ERP44: variants seen among roughly 807,000 people sequenced by gnomAD.
ERP44 encodes the protein endoplasmic reticulum protein 44.
Under a neutral mutation model 53.4 loss-of-function variants are expected in ERP44, and 25 were observed. The ratio of observed to expected loss-of-function variants is 0.47; its 90% CI spans 0.34 to 0.65. ERP44 has a LOEUF of 0.65. Ranked by LOEUF, ERP44 falls within the 30% of genes least tolerant of loss-of-function variation. ERP44 has a pLI of 0.01. For synonymous variants in ERP44, 145 were observed against 161.2 expected (o/e 0.90, Z 0.76); for missense variants, 338 against 493.2 (o/e 0.69, Z 2.98).
intron 10 of ERP44, among the ~76,000 whole-genome samples, chr9:99,996,540 T>TC (rs1830311505): frequency 6.6e-6 from 1 of 151,716 alleles, no homozygotes; most frequent in African/African-American, 2.4e-5. Flanking sequence ...ATTCTTTTTT[T>TC]TCCCCCATTG....
chr9:100,029,767 C>G (rs1825759922), intron 4 of ERP44, among the ~76,000 whole-genome samples: 1 of 152,110 alleles, frequency 6.6e-6, no homozygotes, highest in African/African-American at 2.4e-5. Context: ...TGAAATCAAC[C>G]TAAGTGGCCA....
At chr9:100,061,533 T>C (rs867305118) in intron 1 of ERP44, among the ~76,000 whole-genome samples, 1 of 142,918 alleles carries the variant, frequency 7.0e-6, no homozygotes, top group South Asian at 2.1e-4. Context: ...GAAACGTATA[T>C]ATTTATAGAA....
At chr9:100,001,109 G>T (rs1292504257) in intron 10 of ERP44, among the ~76,000 whole-genome samples, 1 of 151,790 alleles carries the variant, frequency 6.6e-6, no homozygotes, top group African/African-American at 2.4e-5. Flanking sequence ...TGCTCCACTG[G>T]TTGTTCAGTA....
rs189241300 is a variant in ERP44 at position 99,980,243 on chromosome 9, G to A, written c.*2369C>T. ...TTTACATATCCATATGCCTGACTAG[G>A]CTGTGAACAACTCTAGGGCAGAAAT... On this transcript the variant is annotated 3_prime_UTR_variant, in exon 12 of 12. Coordinates refer to ENST00000262455, the MANE Select transcript of ERP44 (RefSeq NM_015051.3). The A allele has an allele frequency of 1.1e-4, 45 of 394,262 alleles. No individual in the cohort carries two copies. Among genetic ancestry groups the A allele is most frequent in the African/African-American group, 8.2e-4 (40 of 48,610 alleles). 24.4% of individuals were successfully genotyped at this position (394,262 alleles called of 1,614,324 possible).
intron 1 of ERP44, among the ~76,000 whole-genome samples, chr9:100,096,053 T>C (rs1826624106): frequency 6.6e-6 from 1 of 152,070 alleles, no homozygotes; most frequent in African/African-American, 2.4e-5. Context: ...TTACGACTAG[T>C]AACAATTATG....
intron 4 of ERP44, among the ~76,000 whole-genome samples, chr9:100,030,621 A>T (rs6478996): frequency 0.67 from 101,686 of 152,042 alleles, 35,060 homozygotes; most frequent in East Asian, 0.91. Flanking sequence ...CATTATGGGG[A>T]GTTAACCACT....
intron 4 of ERP44, among the ~76,000 whole-genome samples, chr9:100,030,316 C>T (rs548763509): frequency 6.6e-6 from 1 of 151,984 alleles, no homozygotes; most frequent in Non-Finnish European, 1.5e-5. Context: ...CATGGAGGGA[C>T]GATATTGAGG....
At chr9:100,089,450 G>A (rs926083975) in intron 1 of ERP44, among the ~76,000 whole-genome samples, 3 of 151,868 alleles carry the variant, frequency 2.0e-5, no homozygotes, top group Non-Finnish European at 4.4e-5. Flanking sequence ...GTGTAGTGGC[G>A]AGTGCCTGTA....
In ERP44 at chr9:100,093,642, GT is replaced by G. The variant is rs202221118; in HGVS notation, c.57+5141del. ...TGGGCTACACAGCAAGACCCTGTCT[GT>G]GGGGGGGGAAAAAAAAAGAACTGTG... On this transcript the variant is annotated intron_variant, in intron 1 of 11. Coordinates refer to ENST00000262455, the MANE Select transcript of ERP44 (RefSeq NM_015051.3). Among the ~76,000 whole-genome samples the G allele has an allele frequency of 5.2e-3, 738 of 141,724 alleles. 5 individuals are homozygous for G. The highest frequency in any genetic ancestry group is 0.018 in the South Asian group (78 of 4,360). The allele number at this position is 141,724 out of a possible 152,430, so 93.0% of individuals were successfully genotyped here.
intron 1 of ERP44, among the ~76,000 whole-genome samples, chr9:100,061,420 G>A (rs889581070): frequency 2.0e-5 from 3 of 149,890 alleles, no homozygotes; most frequent in Non-Finnish European, 3.0e-5. Flanking sequence ...CTCCAGCCTG[G>A]GCAACAGAGC....
At chr9:100,065,497 T>A (rs1441206127) in intron 1 of ERP44, among the ~76,000 whole-genome samples, 1 of 151,980 alleles carries the variant, frequency 6.6e-6, no homozygotes, top group East Asian at 1.9e-4. Context: ...CAAAAAAAAA[T>A]AAGTATGTGA....
intron 1 of ERP44, among the ~76,000 whole-genome samples, chr9:100,084,719 A>G (rs1238316632): frequency 6.6e-6 from 1 of 152,234 alleles, no homozygotes; most frequent in Non-Finnish European, 1.5e-5. Context: ...AATACTTCAA[A>G]GTAATATTCA....
intron 6 of ERP44, among the ~76,000 whole-genome samples, chr9:100,018,711 G>A (rs1830552781): frequency 6.6e-6 from 1 of 152,082 alleles, no homozygotes; most frequent in African/African-American, 2.4e-5. Context: ...GTTGTTTCCT[G>A]AACCTAGTAC....
chr9:100,034,727 GT>G (rs1327119302), intron 4 of ERP44, among the ~76,000 whole-genome samples: 1 of 152,092 alleles, frequency 6.6e-6, no homozygotes, highest in Non-Finnish European at 1.5e-5. Flanking sequence ...AAAAACTATT[GT>G]AAATTCATAC....
intron 10 of ERP44, chr9:99,999,055 G>A (rs1257436927): frequency 1.4e-5 from 11 of 765,596 alleles, no homozygotes; most frequent in Non-Finnish European, 2.1e-5. Context: ...CGGGGCAGGA[G>A]GCGGATGACC....
At chr9:100,013,349 C>A (rs762525926) in intron 8 of ERP44, among the ~76,000 whole-genome samples, 16 of 151,148 alleles carry the variant, frequency 1.1e-4, no homozygotes, top group Admixed American at 2.6e-4. Flanking sequence ...ACTAATCTTA[C>A]TACTGGGAAA....
At chr9:99,987,476 T>C (rs1292833224) in intron 10 of ERP44, among the ~76,000 whole-genome samples, 2 of 152,242 alleles carry the variant, frequency 1.3e-5, no homozygotes, top group South Asian at 2.1e-4. Context: ...AATTTTGACA[T>C]AGTGAAATGC....
intron 1 of ERP44, among the ~76,000 whole-genome samples, chr9:100,085,488 G>A (rs572523298): frequency 9.2e-5 from 14 of 152,196 alleles, no homozygotes; most frequent in Non-Finnish European, 1.6e-4. Context: ...ATATGCTTTT[G>A]TGTAAAAAAA....
chr9:100,052,331 G>T, intron 4 of ERP44, 86 bp downstream of exon 4: 1 of 579,282 alleles, frequency 1.7e-6, no homozygotes, highest in Non-Finnish European at 2.8e-6. Flanking sequence ...GAAAAAAAAA[G>T]AAAAGAAAAG....
Sources: gnomAD v4.1 joint callset for allele counts (sites outside exome capture counted in the v4.1 genomes callset) on GRCh38, gnomAD v4.1.1 for gene constraint, MANE v1.5 for transcripts, NCBI Gene and HGNC (gene_info 2026-07-23, HGNC 2026-07-21) for gene names.